The following FHIT variants were observed in gnomAD, a reference collection of about 807,000 sequenced individuals.
FHIT encodes fragile histidine triad diadenosine triphosphatase.
A neutral mutation model predicts 17.9 loss-of-function variants in FHIT; 19 were observed. That is an observed-to-expected ratio of 1.06 (90% CI 0.74 to 1.56). The LOEUF (loss-of-function observed/expected upper bound fraction) is 1.56, where lower values mean the gene tolerates loss of function less well. Among genes scored for constraint, FHIT ranks in the 40% most tolerant of loss-of-function variants. FHIT has a pLI of 0.00. For synonymous variants in FHIT, 81 were observed against 69.7 expected (o/e 1.16, Z -0.81); for missense variants, 248 against 189.2 (o/e 1.31, Z -1.82).
rs368809490 is a variant in FHIT at position 60,646,574 on chromosome 3, G to T, written c.-17-109595C>A. On this transcript the variant is annotated intron_variant, in intron 4 of 9. Coordinates refer to ENST00000492590, the MANE Select transcript of FHIT (RefSeq NM_002012.4). Reference sequence around the variant, plus strand: ...AGTGACTGGATTCATCAGCCAAAAAGAATATTTTAAAGAGCTGCTGAGAAC... The same window carrying T: ...AGTGACTGGATTCATCAGCCAAAAATAATATTTTAAAGAGCTGCTGAGAAC... 2.2e-3 allele frequency among the ~76,000 whole-genome samples: 334 copies of T among 152,188 alleles called. 2 individuals carry two copies. Among genetic ancestry groups the T allele is most frequent in the Admixed American group, 3.7e-3 (56 of 15,292 alleles).
chr3:59,843,568 T>A (rs1036719076), intron 8 of FHIT, among the ~76,000 whole-genome samples: 1 of 152,206 alleles, frequency 6.6e-6, no homozygotes, highest in East Asian at 1.9e-4. Flanking sequence ...TTTCATTGAT[T>A]GATACCTTCT....
intron 4 of FHIT, among the ~76,000 whole-genome samples, chr3:60,640,526 T>G (rs553089374): frequency 6.6e-6 from 1 of 152,288 alleles, no homozygotes; most frequent in South Asian, 2.1e-4. Flanking sequence ...GATGTTTATT[T>G]TGAAAATATT....
chr3:61,204,553 G>A (rs1473195239), intron 1 of FHIT, among the ~76,000 whole-genome samples: 1 of 152,136 alleles, frequency 6.6e-6, no homozygotes, highest in Non-Finnish European at 1.5e-5. Context: ...ACGCTGAATA[G>A]AATATAAAAA....
At chr3:59,844,376 A>C (rs1002858915) in intron 8 of FHIT, among the ~76,000 whole-genome samples, 1 of 152,126 alleles carries the variant, frequency 6.6e-6, no homozygotes, top group African/African-American at 2.4e-5. Flanking sequence ...GTTCTTGATC[A>C]TAGAGGCAAA....
At chr3:60,596,108 AG>A (rs1256460761) in intron 4 of FHIT, 14 of 351,150 alleles carry the variant, frequency 4.0e-5, no homozygotes, top group Non-Finnish European at 5.6e-5. Flanking sequence ...TACAAATAAA[AG>A]TATACTTACC....
chr3:61,198,440 C>T (rs1209669435), intron 2 of FHIT, among the ~76,000 whole-genome samples: 1 of 152,158 alleles, frequency 6.6e-6, no homozygotes, highest in South Asian at 2.1e-4. Context: ...CTGAGTAGGG[C>T]CCCTGGTTAC....
intron 5 of FHIT, among the ~76,000 whole-genome samples, chr3:60,525,232 AGATTAGAAATGAAAAT>A (rs1484791977): frequency 3.3e-5 from 5 of 152,246 alleles, no homozygotes; most frequent in Non-Finnish European, 5.9e-5. Context: ...TGCCAAATTT[AGATTAGAAATGAAAAT>A]GAGAAGAACC....
intron 5 of FHIT, among the ~76,000 whole-genome samples, chr3:60,282,224 C>G (rs761798378): frequency 6.6e-6 from 1 of 152,140 alleles, no homozygotes; most frequent in Admixed American, 6.5e-5. Flanking sequence ...CTTATAGAAA[C>G]TTTATTCATA....
chr3:60,235,679 T>A (rs530026783), intron 5 of FHIT, among the ~76,000 whole-genome samples: 1 of 152,232 alleles, frequency 6.6e-6, no homozygotes, highest in South Asian at 2.1e-4. Flanking sequence ...ATGGCAAGTG[T>A]GGTCCACTGT....
At chr3:60,241,621 G>T (rs191778295) in intron 5 of FHIT, among the ~76,000 whole-genome samples, 2 of 152,088 alleles carry the variant, frequency 1.3e-5, no homozygotes, top group South Asian at 4.2e-4. Flanking sequence ...AGAGATAAAC[G>T]GTAGAGAAAC....
chr3:60,558,611 G>T (rs545266825), intron 4 of FHIT, among the ~76,000 whole-genome samples: 1 of 152,058 alleles, frequency 6.6e-6, no homozygotes, highest in East Asian at 2.0e-4. Flanking sequence ...CAGGAGCTCC[G>T]ACCTCCAGTC....
intron 2 of FHIT, among the ~76,000 whole-genome samples, chr3:61,199,594 C>G (rs1393178733): frequency 6.6e-6 from 1 of 152,026 alleles, no homozygotes; most frequent in Non-Finnish European, 1.5e-5. Context: ...TCCAATATCC[C>G]TGTAAAATTC....
intron 2 of FHIT, among the ~76,000 whole-genome samples, chr3:61,155,980 G>C (rs1405308017): frequency 6.6e-6 from 1 of 152,148 alleles, no homozygotes. Context: ...GCTAGCCAGA[G>C]AGTATCTACG....
chr3:61,189,300 G>C (rs138316317), intron 2 of FHIT, among the ~76,000 whole-genome samples: 24 of 152,226 alleles, frequency 1.6e-4, no homozygotes, highest in African/African-American at 5.5e-4. Context: ...CAGACAAACA[G>C]AGAGCCAAAT....
chr3:60,135,512 C>T (rs1040001898), intron 5 of FHIT, among the ~76,000 whole-genome samples: 1 of 152,176 alleles, frequency 6.6e-6, no homozygotes, highest in Non-Finnish European at 1.5e-5. Flanking sequence ...CCTCTAGCCT[C>T]TCCAGGCTTC....
At chr3:60,615,197 T>A (rs1257894741) in intron 4 of FHIT, among the ~76,000 whole-genome samples, 5 of 152,184 alleles carry the variant, frequency 3.3e-5, no homozygotes, top group Non-Finnish European at 7.3e-5. Context: ...CAATCTACTA[T>A]CTGGGGATAA....
chr3:60,524,418 T>C (rs759858970), intron 5 of FHIT, among the ~76,000 whole-genome samples: 15 of 152,190 alleles, frequency 9.9e-5, no homozygotes, highest in Non-Finnish European at 2.2e-4. Flanking sequence ...GGAATTGGCA[T>C]TCCACGAAGA....
chr3:60,283,599 G>C (rs188698853), intron 5 of FHIT, among the ~76,000 whole-genome samples: 7 of 152,100 alleles, frequency 4.6e-5, no homozygotes, highest in African/African-American at 1.7e-4. Context: ...AAGCAGCCTA[G>C]ATTTTTTAAA....
At chr3:60,632,094 T>G (rs76074424) in intron 4 of FHIT, among the ~76,000 whole-genome samples, 38 of 147,114 alleles carry the variant, frequency 2.6e-4, no homozygotes, top group Admixed American at 2.3e-3. Flanking sequence ...GTTTTTTTTT[T>G]GTTTTTTGTT....
Sources: allele counts gnomAD v4.1 joint callset (sites outside exome capture counted in the v4.1 genomes callset), GRCh38; gene constraint gnomAD v4.1.1; transcripts MANE v1.5; gene names NCBI Gene and HGNC (gene_info 2026-07-23, HGNC 2026-07-21).